SH3D19: variants seen among roughly 807,000 people sequenced by gnomAD.
SH3D19 encodes the protein SH3 domain containing 19.
In SH3D19, 58 loss-of-function variants were observed where a neutral mutation model predicts 112.1. The observed-to-expected ratio is 0.52, with a 90% CI of 0.42 to 0.64. The LOEUF is 0.64. Among genes scored for constraint, SH3D19 ranks in the 30% least tolerant of loss-of-function variants. The probability of loss-of-function intolerance (pLI) is 0.00; values close to 1 mark genes in which losing one functional copy is unlikely to be tolerated. For synonymous variants in SH3D19, 391 were observed against 448.5 expected (o/e 0.87, Z 1.62); for missense variants, 1,090 against 1,263.4 (o/e 0.86, Z 2.08).
intron 4 of SH3D19, among the ~76,000 whole-genome samples, chr4:151,179,006 C>G (rs1161928201): frequency 6.6e-6 from 1 of 152,162 alleles, no homozygotes; most frequent in Non-Finnish European, 1.5e-5. Flanking sequence ...AATTTTCTAT[C>G]CTGTCATCCA....
chr4:151,291,548 G>T, intron 1 of SH3D19: 1 of 811,400 alleles, frequency 1.2e-6, no homozygotes. Context: ...TTTTGGGGTT[G>T]GAATGTGAAG....
intron 3 of SH3D19, among the ~76,000 whole-genome samples, chr4:151,180,809 G>A (rs1760789771): frequency 6.6e-6 from 1 of 151,212 alleles, no homozygotes; most frequent in Non-Finnish European, 1.5e-5. Context: ...TGTCGCCCAG[G>A]CTGGAGTGCA....
In SH3D19 at chr4:151,226,074, C is replaced by T; in HGVS notation, c.125G>A (p.Arg42Gln). The T allele has an allele frequency of 9.7e-6, 12 of 1,231,646 alleles. No homozygotes were observed. Among genetic ancestry groups the T allele is most frequent in the Non-Finnish European group, 9.1e-6 (9 of 987,608 alleles). 76.3% of individuals were successfully genotyped at this position (1,231,646 alleles called of 1,614,324 possible). Residue 42 changes from arginine (R) to glutamine (Q), a missense_variant, in exon 2 of 20, where the codon CGA (arginine) becomes CAA (glutamine). Coordinates refer to ENST00000604030, the MANE Select transcript of SH3D19 (RefSeq NM_001378122.1). Reference sequence around the variant, plus strand: ...TGAAGAACGATGTTCTGGTTTATTTCGTTCGTTGCGATCTGTAGAGAAAGA... The same window carrying T: ...TGAAGAACGATGTTCTGGTTTATTTTGTTCGTTGCGATCTGTAGAGAAAGA... ...SGHSAADRNE[R>Q]NKPEHRSSSQ...
At chr4:151,223,356 A>G (rs1768425292) in intron 2 of SH3D19, among the ~76,000 whole-genome samples, 1 of 152,094 alleles carries the variant, frequency 6.6e-6, no homozygotes, top group Admixed American at 6.5e-5. Flanking sequence ...CATGGGATCC[A>G]TTATCATCAT....
At chr4:151,311,431 G>A (rs982763026) in intron 1 of SH3D19, among the ~76,000 whole-genome samples, 6 of 151,934 alleles carry the variant, frequency 3.9e-5, no homozygotes, top group Admixed American at 2.6e-4. Flanking sequence ...TGCCACTTGC[G>A]ACCACATGGA....
intron 2 of SH3D19, among the ~76,000 whole-genome samples, chr4:151,214,791 A>G (rs79360301): frequency 0.11 from 1,236 of 11,756 alleles, 114 homozygotes; most frequent in Non-Finnish European, 0.32. Context: ...TCCCGGACGG[A>G]GCGCCTGGCC....
chr4:151,234,738 T>G lies in SH3D19; in HGVS notation c.113-8652A>C, dbSNP rs796520181. Among the ~76,000 whole-genome samples the G allele has an allele frequency of 1.6e-3, 133 of 84,098 alleles. 1 individual carries two copies. The highest frequency in any genetic ancestry group is 8.3e-3 in the African/African-American group (127 of 15,328). 55.2% of individuals were successfully genotyped at this position (84,098 alleles called of 152,430 possible). ...TTTGTTTTCTTTCCAAGTTTGTGTT[T>G]TTTTTTTTTTTTTTTTTTTTTTTTT... On this transcript the variant is annotated intron_variant, in intron 1 of 19. Coordinates refer to ENST00000604030, the MANE Select transcript of SH3D19 (RefSeq NM_001378122.1).
chr4:151,231,283 G>A (rs912451835), intron 1 of SH3D19, among the ~76,000 whole-genome samples: 1 of 152,080 alleles, frequency 6.6e-6, no homozygotes, highest in African/African-American at 2.4e-5. Flanking sequence ...TCAGATATCA[G>A]AATTTCAAAT....
intron 1 of SH3D19, chr4:151,259,636 C>T (rs1226428608): frequency 2.0e-5 from 3 of 152,618 alleles, no homozygotes; most frequent in Non-Finnish European, 2.9e-5. Context: ...ATCTGCTTCC[C>T]GTGAGTGCTG....
rs1759808360 is a variant in SH3D19 at position 151,175,553 on chromosome 4, G to A, written c.651C>T (p.Asn217=). Residue 217 remains asparagine, a synonymous_variant, in exon 7 of 20, where the codon AAC becomes AAT. Coordinates refer to ENST00000604030, the MANE Select transcript of SH3D19 (RefSeq NM_001378122.1). ...GCACTGGACATCTTGTAGCACTGGG[G>A]TTTTCTGGACAATTCGGTTCTTCAG... ...DISEEPNCPE[N]PSATRCPVPK... 3 of 1,377,506 alleles carry A rather than the reference G, an allele frequency of 2.2e-6. No individual in the cohort carries two copies. The highest frequency in any genetic ancestry group is 1.9e-6 in the Non-Finnish European group (2 of 1,071,978). The allele number at this position is 1,377,506 out of a possible 1,614,324, so 85.3% of individuals were successfully genotyped here.
At chr4:151,277,232 C>T in intron 1 of SH3D19, 1 of 1,500,880 alleles carries the variant, frequency 6.7e-7, no homozygotes. Context: ...CAGGTGAGCG[C>T]CAGGGTGGGG....
chr4:151,312,193 A>G (rs1433419926), intron 1 of SH3D19, among the ~76,000 whole-genome samples: 1 of 152,164 alleles, frequency 6.6e-6, no homozygotes, highest in Non-Finnish European at 1.5e-5. Context: ...ACCTCCACAA[A>G]GCTGAAAAAG....
In SH3D19 at chr4:151,143,971, A is replaced by T; in HGVS notation, c.2162T>A (p.Val721Asp). ...GATAATCTTCATTTGAGACAGGTGA[A>T]CTCTGCCAGTGTCTTCTCCCTTTTG... ...ECQKGEDTGR[V>D]HLSQMKIITP... The change falls in exon 12 of 20, where the codon GTT becomes GAT. Residue 721 changes from valine (V) to aspartate (D), a missense_variant. By Grantham distance (152) the Val-to-Asp change is radical. Transcript: ENST00000604030. The T allele has an allele frequency of 6.2e-7, 1 of 1,613,964 alleles. No homozygotes were observed. Among genetic ancestry groups the T allele is most frequent in the Non-Finnish European group, 8.5e-7 (1 of 1,179,966 alleles).
rs114600167 is a variant in SH3D19, at chr4:151,272,235, T to C, written c.113-46149A>G. ...GATAAACAAGCAATGCATAATTTAATCTTTGAGATCATCAACTGATTCCAG... is the reference window on the plus strand; with the variant it reads ...GATAAACAAGCAATGCATAATTTAACCTTTGAGATCATCAACTGATTCCAG... On this transcript the variant is annotated intron_variant, in intron 1 of 19. Transcript: ENST00000604030. Among the ~76,000 whole-genome samples the C allele has an allele frequency of 5.6e-3, 853 of 152,324 alleles. 11 individuals carry two copies. Among genetic ancestry groups the C allele is most frequent in the African/African-American group, 0.019 (810 of 41,556 alleles).
chr4:151,156,071 C>T (rs1397156237), intron 9 of SH3D19, among the ~76,000 whole-genome samples: 13 of 151,942 alleles, frequency 8.6e-5, no homozygotes. Flanking sequence ...ATCCTATTTA[C>T]GATAGCTACA....
At chr4:151,303,232 T>A (rs9686003) in intron 1 of SH3D19, among the ~76,000 whole-genome samples, 7,463 of 152,254 alleles carry the variant, frequency 0.049, 442 homozygotes, top group African/African-American at 0.13. Flanking sequence ...GTAAATGTCA[T>A]GAGACCAAAC....
At chr4:151,312,015 C>T (rs1401922203) in intron 1 of SH3D19, among the ~76,000 whole-genome samples, 1 of 151,916 alleles carries the variant, frequency 6.6e-6, no homozygotes, top group Non-Finnish European at 1.5e-5. Flanking sequence ...TTGAAATTTG[C>T]TGAGAGAACT....
chr4:151,269,074 C>T (rs1773036231), intron 1 of SH3D19, among the ~76,000 whole-genome samples: 1 of 152,202 alleles, frequency 6.6e-6, no homozygotes, highest in South Asian at 2.1e-4. Flanking sequence ...AAAAGTGTTC[C>T]TATTTCTCCA....
chr4:151,225,110 A>C (rs1309413344), intron 2 of SH3D19, among the ~76,000 whole-genome samples: 1 of 152,200 alleles, frequency 6.6e-6, no homozygotes, highest in African/African-American at 2.4e-5. Flanking sequence ...TAAGCAATGA[A>C]ATTTTTATAG....
Sources: allele counts gnomAD v4.1 joint callset (sites outside exome capture counted in the v4.1 genomes callset), GRCh38; gene constraint gnomAD v4.1.1; transcripts MANE v1.5; gene names NCBI Gene and HGNC (gene_info 2026-07-23, HGNC 2026-07-21).